STXBP5L: variants seen among roughly 807,000 people sequenced by gnomAD.
STXBP5L encodes the protein syntaxin-binding protein 5-like.
In STXBP5L, 65 loss-of-function variants were observed where a neutral mutation model predicts 144.5. The observed-to-expected ratio is 0.45, with a 90% CI of 0.37 to 0.55. The LOEUF (loss-of-function observed/expected upper bound fraction) is 0.55, where lower values mean the gene tolerates loss of function less well. STXBP5L is among the 20% of genes least tolerant of loss of function. STXBP5L has a pLI of 0.00. For missense variants in STXBP5L, 1,298 were observed against 1,405.5 expected, an observed-to-expected ratio of 0.92 and a Z score of 1.22; for synonymous variants, 505 against 469.6, an observed-to-expected ratio of 1.08 and a Z score of -0.97.
At chr3:121,281,874 A>G (rs970013129) in intron 19 of STXBP5L, among the ~76,000 whole-genome samples, 9 of 151,886 alleles carry the variant, frequency 5.9e-5, no homozygotes, top group Admixed American at 3.3e-4. Context: ...TGAAGGATTA[A>G]AGACAATCAT....
At chr3:121,418,239 G>A (rs768470281) in intron 25 of STXBP5L, 98 bp from the exon 26 acceptor site, 12 of 1,304,398 alleles carry the variant, frequency 9.2e-6, no homozygotes, top group Non-Finnish European at 1.3e-5. Flanking sequence ...TGAGAATTAT[G>A]ACAGTAGAAT....
At chr3:121,090,545 G>T (rs2042727213) in intron 5 of STXBP5L, among the ~76,000 whole-genome samples, 1 of 152,110 alleles carries the variant, frequency 6.6e-6, no homozygotes, top group South Asian at 2.1e-4. Flanking sequence ...AGAAATCATG[G>T]CTTTTGCTCC....
At chr3:121,285,904 G>C (rs2051216072) in intron 19 of STXBP5L, among the ~76,000 whole-genome samples, 1 of 151,970 alleles carries the variant, frequency 6.6e-6, no homozygotes, top group Non-Finnish European at 1.5e-5. Context: ...TATAAAAGAT[G>C]AACCAACCCA....
intron 18 of STXBP5L, among the ~76,000 whole-genome samples, chr3:121,260,309 G>A (rs1387923537): frequency 6.6e-6 from 1 of 152,016 alleles, no homozygotes; most frequent in Non-Finnish European, 1.5e-5. Context: ...GCATATTAGG[G>A]AAGTTAGCTT....
intron 20 of STXBP5L, among the ~76,000 whole-genome samples, chr3:121,345,772 T>C (rs2044939756): frequency 6.6e-6 from 1 of 152,186 alleles, no homozygotes; most frequent in Admixed American, 6.6e-5. Flanking sequence ...ATAATAAGCA[T>C]TTTCTCATGT....
intron 20 of STXBP5L, among the ~76,000 whole-genome samples, chr3:121,334,725 T>G (rs573871214): frequency 6.6e-6 from 1 of 152,206 alleles, no homozygotes; most frequent in Non-Finnish European, 1.5e-5. Context: ...TAAACAGAAC[T>G]AAAGATAGAA....
rs775083454 is a variant in STXBP5L at position 121,115,000 on chromosome 3, A to C, written c.546A>C (p.Val182=). 6.3e-7 allele frequency: 1 copy of C among 1,597,114 alleles called. No homozygotes were observed. The highest frequency in any genetic ancestry group is 8.5e-7 in the Non-Finnish European group (1 of 1,170,920). ...CAGAAAGAGGAAATACACATATTGTAAATATTGAATCTTTCATTCTTTCTG... is the reference window on the plus strand; with the variant it reads ...CAGAAAGAGGAAATACACATATTGTCAATATTGAATCTTTCATTCTTTCTG... ...VGTERGNTHI[V]NIESFILSGY... The change falls in exon 6 of 27, where the codon GTA becomes GTC. Residue 182 remains valine, a synonymous_variant. Coordinates refer to ENST00000471454, the MANE Select transcript of STXBP5L (RefSeq NM_001308330.2).
At chr3:120,983,791 T>C (rs1350626606) in intron 3 of STXBP5L, among the ~76,000 whole-genome samples, 1 of 152,192 alleles carries the variant, frequency 6.6e-6, no homozygotes, top group South Asian at 2.1e-4. Flanking sequence ...TTCATTCTTA[T>C]TTGCTTTCTG....
chr3:121,163,279 G>C (rs191272382), intron 9 of STXBP5L, among the ~76,000 whole-genome samples: 2 of 152,284 alleles, frequency 1.3e-5, no homozygotes, highest in Admixed American at 1.3e-4. Flanking sequence ...TAGGGACATG[G>C]ATGAAGCTGG....
chr3:121,030,176 G>T (rs1181280415), intron 3 of STXBP5L, among the ~76,000 whole-genome samples: 1 of 152,126 alleles, frequency 6.6e-6, no homozygotes, highest in Non-Finnish European at 1.5e-5. Flanking sequence ...TCCCATTACT[G>T]GGTGTATACC....
intron 18 of STXBP5L, among the ~76,000 whole-genome samples, chr3:121,260,805 A>G (rs2050359385): frequency 6.6e-6 from 1 of 152,136 alleles, no homozygotes. Context: ...GTCCATGGAA[A>G]AAAGTCTTAT....
chr3:121,223,818 A>C lies in STXBP5L; in HGVS notation c.1111+661A>C, dbSNP rs146244912. On this transcript the variant is annotated intron_variant, in intron 11 of 26. Coordinates refer to ENST00000471454, the MANE Select transcript of STXBP5L (RefSeq NM_001308330.2). ...GATGAAATATTTTAATAATGTGGCC[A>C]GGTGTGGTGACTCATGCCTGTAATC... is the stretch of plus-strand genomic sequence containing the variant. Among the ~76,000 whole-genome samples, 140 of 152,206 alleles carry C rather than the reference A, an allele frequency of 9.2e-4. 1 individual carries two copies. Among genetic ancestry groups the C allele is most frequent in the African/African-American group, 3.2e-3 (131 of 41,562 alleles).
At chr3:121,057,095 G>T (rs1033168073) in intron 5 of STXBP5L, among the ~76,000 whole-genome samples, 6 of 151,568 alleles carry the variant, frequency 4.0e-5, no homozygotes, top group Non-Finnish European at 7.4e-5. Context: ...TGCATAACAT[G>T]CTACATAACA....
intron 5 of STXBP5L, 45 bp from the exon 6 acceptor site, chr3:121,114,880 A>G (rs767859911): frequency 7.4e-7 from 1 of 1,348,468 alleles, no homozygotes; most frequent in Non-Finnish European, 9.9e-7. Flanking sequence ...AATGCTGACC[A>G]AATGTAAAAT....
chr3:121,343,770 C>T (rs1019835153), intron 20 of STXBP5L, among the ~76,000 whole-genome samples: 1 of 152,128 alleles, frequency 6.6e-6, no homozygotes, highest in African/African-American at 2.4e-5. Context: ...AATGGAAGAA[C>T]ATTCCATGCT....
intron 19 of STXBP5L, among the ~76,000 whole-genome samples, chr3:121,297,732 C>T (rs763990284): frequency 9.9e-5 from 15 of 152,090 alleles, no homozygotes; most frequent in East Asian, 3.9e-4. Context: ...ACAGCCTGCG[C>T]GACAGAGTGA....
At chr3:120,935,605 C>A (rs1217519748) in intron 2 of STXBP5L, among the ~76,000 whole-genome samples, 1 of 151,990 alleles carries the variant, frequency 6.6e-6, no homozygotes, top group Non-Finnish European at 1.5e-5. Context: ...GGTTATTTCT[C>A]CTTCCCTTTT....
intron 2 of STXBP5L, among the ~76,000 whole-genome samples, chr3:120,917,355 G>A (rs1204411908): frequency 6.6e-6 from 1 of 152,142 alleles, no homozygotes; most frequent in East Asian, 1.9e-4. Context: ...TAGAAGTAGG[G>A]GAGATGTGTG....
At chr3:120,911,150 T>C (rs957617432) in intron 2 of STXBP5L, among the ~76,000 whole-genome samples, 4 of 151,992 alleles carry the variant, frequency 2.6e-5, no homozygotes, top group Non-Finnish European at 5.9e-5. Flanking sequence ...TTACCAGAGG[T>C]AAAACTGGTA....
Sources: gnomAD v4.1 joint callset for allele counts (sites outside exome capture counted in the v4.1 genomes callset) on GRCh38, gnomAD v4.1.1 for gene constraint, MANE v1.5 for transcripts, NCBI Gene and HGNC (gene_info 2026-07-23, HGNC 2026-07-21) for gene names.